ERC1: variants seen among roughly 807,000 people sequenced by gnomAD.
ERC1 encodes ELKS/RAB6-interacting/CAST family member 1.
Under a neutral mutation model 132.0 loss-of-function variants are expected in ERC1, and 56 were observed. The observed-to-expected ratio is 0.42, with a 90% confidence interval of 0.34 to 0.53. The LOEUF (loss-of-function observed/expected upper bound fraction) is 0.53, where lower values mean the gene tolerates loss of function less well. ERC1 is among the 20% of genes least tolerant of loss of function. ERC1 has a pLI of 0.03. For missense variants in ERC1, 1,202 were observed against 1,349.9 expected, an observed-to-expected ratio of 0.89 and a Z score of 1.72; for synonymous variants, 478 against 476.1, an observed-to-expected ratio of 1.00 and a Z score of -0.05.
intron 15 of ERC1, among the ~76,000 whole-genome samples, chr12:1,367,717 A>G (rs2086794682): frequency 6.6e-6 from 1 of 152,120 alleles, no homozygotes; most frequent in African/African-American, 2.4e-5. Context: ...CTGAAGCACA[A>G]ATGCCGCAGC....
intron 12 of ERC1, among the ~76,000 whole-genome samples, chr12:1,215,458 A>G (rs974323063): frequency 1.3e-5 from 2 of 152,158 alleles, no homozygotes; most frequent in Admixed American, 6.6e-5. Context: ...ACTTTGCACT[A>G]TGTCTTTTGG....
intron 2 of ERC1, among the ~76,000 whole-genome samples, chr12:1,056,169 G>T (rs1972924906): frequency 6.6e-6 from 1 of 151,286 alleles, no homozygotes; most frequent in Non-Finnish European, 1.5e-5. Flanking sequence ...AGATTCATAG[G>T]ATTATTAATT....
At chr12:1,215,377 T>G (rs1211721514) in intron 12 of ERC1, among the ~76,000 whole-genome samples, 1 of 152,156 alleles carries the variant, frequency 6.6e-6, no homozygotes, top group Non-Finnish European at 1.5e-5. Context: ...CAAAACAACT[T>G]GGACAATAGT....
chr12:1,275,621 CA>C (rs1245632741), intron 14 of ERC1, among the ~76,000 whole-genome samples: 4 of 152,078 alleles, frequency 2.6e-5, no homozygotes, highest in Non-Finnish European at 5.9e-5. Context: ...TGGTCAATTG[CA>C]TGTTGATGAT....
chr12:1,311,930 A>G (rs1351244652), intron 15 of ERC1, among the ~76,000 whole-genome samples: 1 of 152,212 alleles, frequency 6.6e-6, no homozygotes, highest in Non-Finnish European at 1.5e-5. Flanking sequence ...TTGAATTTCC[A>G]CTATGTAAAA....
chr12:1,282,819 C>G (rs2078772824), intron 14 of ERC1, among the ~76,000 whole-genome samples: 2 of 152,162 alleles, frequency 1.3e-5, no homozygotes, highest in South Asian at 2.1e-4. Context: ...CAGTGGACTT[C>G]TCAAGTGACA....
intron 16 of ERC1, among the ~76,000 whole-genome samples, chr12:1,393,779 G>C (rs901222153): frequency 6.6e-5 from 10 of 151,796 alleles, no homozygotes; most frequent in Admixed American, 3.3e-4. Context: ...TGTAATCCCA[G>C]CACTTTGGGA....
chr12:1,026,609 T>C (rs919309068), intron 1 of ERC1, among the ~76,000 whole-genome samples: 1 of 152,226 alleles, frequency 6.6e-6, no homozygotes, highest in Non-Finnish European at 1.5e-5. Context: ...ATCACACACA[T>C]TGTTTTCTTA....
At chr12:1,199,409 G>T (rs190880331) in intron 12 of ERC1, among the ~76,000 whole-genome samples, 273 of 152,266 alleles carry the variant, frequency 1.8e-3, no homozygotes, top group Non-Finnish European at 3.3e-3. Flanking sequence ...AGACAACCTA[G>T]TGTGTATTTA....
intron 18 of ERC1, among the ~76,000 whole-genome samples, chr12:1,485,201 C>CTTTTCTTTT (rs2094187033): frequency 9.3e-5 from 9 of 96,392 alleles, no homozygotes; most frequent in African/African-American, 3.9e-4. Context: ...GTTTATATTT[C>CTTTTCTTTT]TTTTTTTTTT....
At chr12:1,227,083 G>A (rs190712734) in intron 12 of ERC1, among the ~76,000 whole-genome samples, 2 of 152,162 alleles carry the variant, frequency 1.3e-5, no homozygotes, top group East Asian at 1.9e-4. Flanking sequence ...TTTGGCTATC[G>A]TGACTAATAC....
At position 1,398,960 on chromosome 12, in the gene ERC1, TG is replaced by T. The variant is rs369820999; in HGVS notation, c.2926-9188del. Among the ~76,000 whole-genome samples, 295 of 56,312 alleles carry T rather than the reference TG, an allele frequency of 5.2e-3. 59 individuals carry two copies. Among genetic ancestry groups the T allele is most frequent in the African/African-American group, 0.028 (247 of 8,888 alleles). The allele number at this position is 56,312 out of a possible 152,430, so 36.9% of individuals were successfully genotyped here. ...TTTTTTTTTTTTTTTTTTTTTTTTT[TG>T]TTGAAACAAGGTCTCACTCTGTCAA... On this transcript the variant is annotated intron_variant, in intron 16 of 18. Coordinates refer to ENST00000360905, the MANE Select transcript of ERC1 (RefSeq NM_178040.4).
rs940507432 is a variant in ERC1 at position 1,029,809 on chromosome 12, G to A, written c.669+1237G>A. On this transcript the variant is annotated intron_variant, in intron 2 of 18. Coordinates refer to ENST00000360905, the MANE Select transcript of ERC1 (RefSeq NM_178040.4). Reference sequence around the variant, plus strand: ...GTCTCCCAGGCTGAAGTACAGTGACGCAATCTCAGTTCGCTGCAACCTCCA... The same window carrying A: ...GTCTCCCAGGCTGAAGTACAGTGACACAATCTCAGTTCGCTGCAACCTCCA... 1.8e-4 allele frequency among the ~76,000 whole-genome samples: 25 copies of A among 141,370 alleles called. 1 individual carries two copies. The highest frequency in any genetic ancestry group is 6.2e-4 in the African/African-American group (24 of 38,646). The allele number at this position is 141,370 out of a possible 152,430, so 92.7% of individuals were successfully genotyped here. A position where few individuals can be genotyped will look rare whatever the true frequency, so the allele number is the denominator to read the frequency against.
At chr12:1,450,953 T>G (rs932989575) in intron 18 of ERC1, among the ~76,000 whole-genome samples, 1 of 152,226 alleles carries the variant, frequency 6.6e-6, no homozygotes, top group Non-Finnish European at 1.5e-5. Context: ...TTCTGTTTTT[T>G]CTTTGGAGAA....
At position 1,153,430 on chromosome 12, in the gene ERC1, T is replaced by A. The variant is rs575946167; in HGVS notation, c.1737+11643T>A. On this transcript the variant is annotated intron_variant, in intron 8 of 18. Coordinates refer to ENST00000360905, the MANE Select transcript of ERC1 (RefSeq NM_178040.4). ...TGTTTAACTGTGCCTTCAGAATATT[T>A]CCCATCCTATTCCAAAGAGATTGTG... Among the ~76,000 whole-genome samples the A allele has an allele frequency of 2.6e-5, 4 of 152,360 alleles. No homozygotes were observed. In the East Asian group the frequency reaches 5.8e-4, roughly 22 times the overall value.
chr12:1,306,244 A>G (rs1379578817), intron 15 of ERC1, among the ~76,000 whole-genome samples: 1 of 152,170 alleles, frequency 6.6e-6, no homozygotes, highest in Non-Finnish European at 1.5e-5. Context: ...AGACTTACAG[A>G]GGGAGCATAC....
intron 15 of ERC1, among the ~76,000 whole-genome samples, chr12:1,349,178 A>C (rs182666087): frequency 6.6e-6 from 1 of 152,336 alleles, no homozygotes; most frequent in East Asian, 1.9e-4. Context: ...ACGACACTGG[A>C]GTCAGTTCCG....
chr12:1,206,948 A>G (rs567343224), intron 12 of ERC1, among the ~76,000 whole-genome samples: 65 of 152,276 alleles, frequency 4.3e-4, no homozygotes, highest in African/African-American at 1.5e-3. Flanking sequence ...GACCTTGAGC[A>G]GTAGGATATA....
Position 1,408,262 on chromosome 12 carries a change from G to A in ERC1, c.3024+15G>A. 1 of 1,588,786 alleles carries A rather than the reference G, an allele frequency of 6.3e-7. No individual in the cohort carries two copies. Among genetic ancestry groups the A allele is most frequent in the Non-Finnish European group, 8.6e-7 (1 of 1,161,342 alleles). Reference sequence around the variant, plus strand: ...CCCCAGACCAGGTAAGATGGCTCTGGAATGTTTTATTAAAAAACCCACACA... The same window carrying A: ...CCCCAGACCAGGTAAGATGGCTCTGAAATGTTTTATTAAAAAACCCACACA... On this transcript the variant is annotated intron_variant, in intron 17 of 18. Transcript: ENST00000360905.
Sources: allele counts gnomAD v4.1 joint callset (sites outside exome capture counted in the v4.1 genomes callset), GRCh38; gene constraint gnomAD v4.1.1; transcripts MANE v1.5; gene names NCBI Gene and HGNC (gene_info 2026-07-23, HGNC 2026-07-21).